The following GLYAT variants were observed in gnomAD, a reference collection of about 807,000 sequenced individuals.
GLYAT encodes glycine-N-acyltransferase, also known as glycine N-acyltransferase.
A neutral mutation model predicts 22.8 loss-of-function variants in GLYAT; 25 were observed. That is an observed-to-expected ratio of 1.09 (90% CI 0.80 to 1.53). The LOEUF (loss-of-function observed/expected upper bound fraction) is 1.53, where lower values mean the gene tolerates loss of function less well. Ranked by LOEUF, GLYAT falls within the 40% of genes most tolerant of loss-of-function variation. The pLI is 0.00. For missense variants in GLYAT, 411 were observed against 353.9 expected, an observed-to-expected ratio of 1.16 and a Z score of -1.29; for synonymous variants, 140 against 122.7, an observed-to-expected ratio of 1.14 and a Z score of -0.93.
chr11:58,712,539 T>A (rs1367790829), intron 4 of GLYAT, among the ~76,000 whole-genome samples: 1 of 152,134 alleles, frequency 6.6e-6, no homozygotes, highest in African/African-American at 2.4e-5. Flanking sequence ...AAATCCTTGG[T>A]ACCAAGGAAT....
chr11:58,723,291 G>T (rs960159300), intron 2 of GLYAT, among the ~76,000 whole-genome samples: 9 of 152,126 alleles, frequency 5.9e-5, no homozygotes, highest in Non-Finnish European at 1.0e-4. Context: ...ATATCTTAAG[G>T]ATTGTCATGT....
chr11:58,715,215 A>G (rs1479533405), intron 3 of GLYAT, 101 bp downstream of exon 3: 1 of 618,646 alleles, frequency 1.6e-6, no homozygotes, highest in East Asian at 2.7e-5. Context: ...GACTATTACT[A>G]TGATTTACTT....
At chr11:58,727,239 A>C (rs1195990983) in intron 1 of GLYAT, among the ~76,000 whole-genome samples, 1 of 152,102 alleles carries the variant, frequency 6.6e-6, no homozygotes, top group Non-Finnish European at 1.5e-5. Context: ...AACACCTATA[A>C]ATTTTGGGGG....
chr11:58,717,712 G>A (rs564808731), intron 2 of GLYAT, among the ~76,000 whole-genome samples: 1 of 152,108 alleles, frequency 6.6e-6, no homozygotes, highest in African/African-American at 2.4e-5. Context: ...TTGAAATATA[G>A]TCTTTTTCTC....
At chr11:58,731,046 A>G (rs1168906042) in intron 1 of GLYAT, among the ~76,000 whole-genome samples, 1 of 152,196 alleles carries the variant, frequency 6.6e-6, no homozygotes, top group Non-Finnish European at 1.5e-5. Context: ...AAAGGCAAAC[A>G]GGAATAAATA....
chr11:58,721,665 T>A (rs1477998269), intron 2 of GLYAT, among the ~76,000 whole-genome samples: 1 of 152,092 alleles, frequency 6.6e-6, no homozygotes, highest in African/African-American at 2.4e-5. Flanking sequence ...TTTAAAAAAA[T>A]CTTATTACCA....
At chr11:58,731,413 G>C (rs1856870292) in intron 1 of GLYAT, among the ~76,000 whole-genome samples, 1 of 152,142 alleles carries the variant, frequency 6.6e-6, no homozygotes, top group South Asian at 2.1e-4. Context: ...CAAAATAGTT[G>C]TCAGATATGT....
rs1273415709 is a variant in GLYAT at position 58,710,769 on chromosome 11, G to A, written c.317-8C>T. ...TCAGGCTAGGCTGTGAACCTAGACGGTATAATAAACAGAGATGAAATGGTT... is the reference window on the plus strand; with the variant it reads ...TCAGGCTAGGCTGTGAACCTAGACGATATAATAAACAGAGATGAAATGGTT... On this transcript the variant is annotated splice_polypyrimidine_tract_variant and splice_region_variant and intron_variant, in intron 4 of 5. Coordinates refer to ENST00000344743, the MANE Select transcript of GLYAT (RefSeq NM_201648.3). 6 of 1,511,086 alleles carry A rather than the reference G, an allele frequency of 4.0e-6. No individual in the cohort carries two copies. The Middle Eastern group carries it at 5.1e-4, about 128-fold the overall frequency. 93.6% of individuals were successfully genotyped at this position (1,511,086 alleles called of 1,614,324 possible).
intron 1 of GLYAT, among the ~76,000 whole-genome samples, chr11:58,725,332 C>T (rs1856800924): frequency 6.6e-6 from 1 of 152,076 alleles, no homozygotes; most frequent in South Asian, 2.1e-4. Context: ...TTGGGATTAC[C>T]TAAACACTTC....
intron 1 of GLYAT, among the ~76,000 whole-genome samples, chr11:58,728,883 A>ATT (rs1190468219): frequency 8.1e-6 from 1 of 123,532 alleles, no homozygotes; most frequent in Non-Finnish European, 1.7e-5. Context: ...AGAAAGAAAG[A>ATT]AAGAAAGAAG....
At chr11:58,718,477 T>G (rs1286997810) in intron 2 of GLYAT, among the ~76,000 whole-genome samples, 1 of 152,058 alleles carries the variant, frequency 6.6e-6, no homozygotes, top group African/African-American at 2.4e-5. Flanking sequence ...TCTCTATGAG[T>G]CCTGAAAGTT....
intron 5 of GLYAT, 168 bp downstream of exon 5, chr11:58,710,422 G>T: frequency 2.8e-6 from 2 of 722,160 alleles, no homozygotes; most frequent in Non-Finnish European, 2.3e-6. Flanking sequence ...AGATGGTGGA[G>T]TCTTTTAAGC....
intron 5 of GLYAT, 103 bp from the exon 6 acceptor site, chr11:58,710,271 A>T (rs1256786810): frequency 6.8e-7 from 1 of 1,465,506 alleles, no homozygotes; most frequent in Non-Finnish European, 9.0e-7. Context: ...AGAAATAACA[A>T]ATGTGAAGTC....
At position 58,710,001 on chromosome 11, in the gene GLYAT, C is replaced by T; in HGVS notation, c.656G>A (p.Trp219Ter). ...CTCTCCAGTCTGGTCCATTAGATCC[C>T]AGCACACAGGGGTCCCCTCAGGCCC... ...LLGPEGTPVC[W>*]DLMDQTGEMR... The change falls in exon 6 of 6, where the codon TGG (tryptophan) becomes TAG (stop). Residue 219 changes from tryptophan (W) to a stop codon, truncating the protein, a stop_gained. Coordinates refer to ENST00000344743, the MANE Select transcript of GLYAT (RefSeq NM_201648.3). LOFTEE classifies it low-confidence loss of function (END_TRUNC). The T allele has an allele frequency of 1.9e-6, 3 of 1,614,104 alleles. No individual in the cohort carries two copies. Among genetic ancestry groups the T allele is most frequent in the Non-Finnish European group, 2.5e-6 (3 of 1,179,978 alleles).
At chr11:58,727,451 C>T (rs1052489052) in intron 1 of GLYAT, among the ~76,000 whole-genome samples, 2 of 152,162 alleles carry the variant, frequency 1.3e-5, no homozygotes, top group African/African-American at 4.8e-5. Flanking sequence ...ATACAGGGTG[C>T]AGCTTCTTGT....
intron 1 of GLYAT, among the ~76,000 whole-genome samples, chr11:58,729,993 C>G (rs1856855418): frequency 6.6e-6 from 1 of 152,116 alleles, no homozygotes; most frequent in Non-Finnish European, 1.5e-5. Context: ...AGGTATGGCT[C>G]TCATGCTTGG....
chr11:58,726,434 A>T (rs1438592046), intron 1 of GLYAT, among the ~76,000 whole-genome samples: 2 of 152,164 alleles, frequency 1.3e-5, no homozygotes, highest in East Asian at 3.9e-4. Flanking sequence ...GGAGGATTTC[A>T]ATTCTGTCAT....
At chr11:58,725,552 C>T (rs943324989) in intron 1 of GLYAT, among the ~76,000 whole-genome samples, 5 of 152,112 alleles carry the variant, frequency 3.3e-5, no homozygotes, top group South Asian at 2.1e-4. Context: ...ACTGGTGGTG[C>T]ATCTGTACAG....
chr11:58,711,650 T>G (rs1407828403), intron 4 of GLYAT, among the ~76,000 whole-genome samples: 1 of 152,124 alleles, frequency 6.6e-6, no homozygotes, highest in Admixed American at 6.6e-5. Context: ...GTAGGTAAAT[T>G]TAAAAAACGG....
Sources: gnomAD v4.1 joint callset for allele counts (sites outside exome capture counted in the v4.1 genomes callset) on GRCh38, gnomAD v4.1.1 for gene constraint, MANE v1.5 for transcripts, NCBI Gene and HGNC (gene_info 2026-07-23, HGNC 2026-07-21) for gene names.